Variants in ARHGAP42 observed in about 807,000 individuals in gnomAD.
ARHGAP42 encodes rho GTPase-activating protein 42.
A neutral mutation model predicts 125.0 loss-of-function variants in ARHGAP42; 63 were observed. The observed-to-expected ratio is 0.50, with a 90% CI of 0.41 to 0.62. ARHGAP42 has a LOEUF of 0.62. ARHGAP42 is among the 20% of genes least tolerant of loss of function. The pLI, the probability that ARHGAP42 is intolerant of heterozygous loss-of-function variation, is 0.00. For synonymous variants in ARHGAP42, 339 were observed against 351.0 expected (o/e 0.97, Z 0.38); for missense variants, 766 against 1,024.2 (o/e 0.75, Z 3.44).
At chr11:100,906,089 G>C (rs1266191769) in intron 4 of ARHGAP42, among the ~76,000 whole-genome samples, 1 of 152,086 alleles carries the variant, frequency 6.6e-6, no homozygotes, top group African/African-American at 2.4e-5. Flanking sequence ...CTAATTTTCT[G>C]GAAGATCATA....
In ARHGAP42 at chr11:100,991,415, T is replaced by C. The variant is rs1316179822; in HGVS notation, c.*2614T>C. On this transcript the variant is annotated 3_prime_UTR_variant, in exon 24 of 24. Transcript: ENST00000298815. ...CAAAACCTTAGCTTTTCAGGAACAA[T>C]GTGAAGATACATTAGAATTGCCACA... The C allele has an allele frequency of 2.0e-5, 3 of 152,144 alleles. No individual in the cohort carries two copies. Among genetic ancestry groups the C allele is most frequent in the African/African-American group, 7.2e-5 (3 of 41,430 alleles). The allele number at this position is 152,144 out of a possible 1,614,324, so 9.4% of individuals were successfully genotyped here.
intron 12 of ARHGAP42, among the ~76,000 whole-genome samples, chr11:100,958,967 T>G (rs1857885001): frequency 6.6e-6 from 1 of 152,072 alleles, no homozygotes; most frequent in Non-Finnish European, 1.5e-5. Flanking sequence ...GGGGATCTAT[T>G]TTGAGTTACA....
chr11:100,856,252 T>C (rs947635203), intron 3 of ARHGAP42, among the ~76,000 whole-genome samples: 9 of 152,142 alleles, frequency 5.9e-5, no homozygotes, highest in Non-Finnish European at 1.2e-4. Context: ...ATTCACATTT[T>C]AAATAAGGGT....
At chr11:100,789,738 G>T (rs913164902) in intron 2 of ARHGAP42, among the ~76,000 whole-genome samples, 7 of 152,200 alleles carry the variant, frequency 4.6e-5, no homozygotes, top group Admixed American at 1.3e-4. Flanking sequence ...CTAAAGTGCA[G>T]CCATCTCCCT....
chr11:100,945,623 C>T (rs745733378), intron 10 of ARHGAP42, among the ~76,000 whole-genome samples: 9 of 152,046 alleles, frequency 5.9e-5, no homozygotes, highest in Non-Finnish European at 1.2e-4. Flanking sequence ...AAATCTCTAT[C>T]AGAACTCTTG....
intron 5 of ARHGAP42, among the ~76,000 whole-genome samples, chr11:100,914,471 AAATAAACAAACAGACTCCCT>A (rs983237616): frequency 2.7e-4 from 37 of 136,870 alleles, no homozygotes; most frequent in African/African-American, 7.9e-4. Flanking sequence ...AAAAATAAAT[AAATAAACAAACAGACTCCCT>A]TGCCATTGTC....
chr11:100,776,159 CA>C (rs5794065), intron 2 of ARHGAP42, among the ~76,000 whole-genome samples: 24 of 144,624 alleles, frequency 1.7e-4, no homozygotes, highest in Admixed American at 3.4e-4. Flanking sequence ...AACTCCATTT[CA>C]AAAAAAAAAA....
chr11:100,905,596 C>G (rs528231), intron 4 of ARHGAP42, among the ~76,000 whole-genome samples: 3 of 152,168 alleles, frequency 2.0e-5, no homozygotes, highest in East Asian at 1.9e-4. Flanking sequence ...CTTTTTTTGC[C>G]TAATTTTTTG....
At chr11:100,752,722 A>G (rs1862488977) in intron 1 of ARHGAP42, among the ~76,000 whole-genome samples, 1 of 152,198 alleles carries the variant, frequency 6.6e-6, no homozygotes, top group Non-Finnish European at 1.5e-5. Context: ...GGTTATAAGT[A>G]GTCTTAGTTT....
intron 2 of ARHGAP42, among the ~76,000 whole-genome samples, chr11:100,789,811 T>G (rs1468959190): frequency 6.6e-6 from 1 of 152,194 alleles, no homozygotes; most frequent in Non-Finnish European, 1.5e-5. Context: ...GTTGACATTA[T>G]TGTATATGTC....
chr11:100,798,489 C>G (rs750876986), intron 3 of ARHGAP42, among the ~76,000 whole-genome samples: 1 of 152,138 alleles, frequency 6.6e-6, no homozygotes, highest in African/African-American at 2.4e-5. Context: ...TTGCTGAAGG[C>G]TCAGACGATT....
At chr11:100,898,216 T>G (rs997542893) in intron 4 of ARHGAP42, among the ~76,000 whole-genome samples, 1 of 152,208 alleles carries the variant, frequency 6.6e-6, no homozygotes, top group African/African-American at 2.4e-5. Context: ...GGATAAGCTT[T>G]TTGATGTGCT....
intron 1 of ARHGAP42, among the ~76,000 whole-genome samples, chr11:100,715,924 G>A (rs1358789084): frequency 1.3e-5 from 2 of 152,230 alleles, no homozygotes; most frequent in African/African-American, 4.8e-5. Flanking sequence ...AGTCATTGGA[G>A]GAACTGCAGT....
intron 3 of ARHGAP42, among the ~76,000 whole-genome samples, chr11:100,798,912 C>T (rs1863786722): frequency 6.6e-6 from 1 of 152,106 alleles, no homozygotes; most frequent in African/African-American, 2.4e-5. Flanking sequence ...GGGTACATTT[C>T]CTGAGCTGGG....
At position 100,698,604 on chromosome 11, in the gene ARHGAP42, C is replaced by T. The variant is rs188593869; in HGVS notation, c.154+10772C>T. Among the ~76,000 whole-genome samples, 39 of 152,288 alleles carry T rather than the reference C, an allele frequency of 2.6e-4. No individual in the cohort carries two copies. In the East Asian group the frequency reaches 6.0e-3, roughly 23 times the overall value. On this transcript the variant is annotated intron_variant, in intron 1 of 23. Coordinates refer to ENST00000298815, the MANE Select transcript of ARHGAP42 (RefSeq NM_152432.4). ...GCTGAGACGGGAGAATCACTTGAAC[C>T]TGGGAGGCGGAAGTTGCGGTGAGCC...
intron 2 of ARHGAP42, among the ~76,000 whole-genome samples, chr11:100,779,557 C>CGTATATATACGTATACATACGTATAT (rs1565210737): frequency 7.3e-6 from 1 of 137,818 alleles, no homozygotes; most frequent in African/African-American, 2.9e-5. Flanking sequence ...TATACATATA[C>CGTATATATACGTATACATACGTATAT]ATACGTATAT....
chr11:100,957,937 T>C (rs1385705078), intron 12 of ARHGAP42, among the ~76,000 whole-genome samples: 1 of 152,106 alleles, frequency 6.6e-6, no homozygotes, highest in Non-Finnish European at 1.5e-5. Context: ...CATTCCTTTT[T>C]GTTGAAAGGA....
At chr11:100,698,052 A>T in intron 1 of ARHGAP42, among the ~76,000 whole-genome samples, 1 of 152,320 alleles carries the variant, frequency 6.6e-6, no homozygotes, top group South Asian at 2.1e-4. Flanking sequence ...AAACATTTTT[A>T]AATTAAAAAT....
chr11:100,894,164 T>C (rs1314679100), intron 4 of ARHGAP42, among the ~76,000 whole-genome samples: 1 of 152,216 alleles, frequency 6.6e-6, no homozygotes, highest in Admixed American at 6.5e-5. Context: ...TAAAGAAATA[T>C]CAGAATGTAT....
Sources: allele counts gnomAD v4.1 joint callset (sites outside exome capture counted in the v4.1 genomes callset), GRCh38; gene constraint gnomAD v4.1.1; transcripts MANE v1.5; gene names NCBI Gene and HGNC (gene_info 2026-07-23, HGNC 2026-07-21).